Variants in DMD observed in about 807,000 individuals in gnomAD.
DMD encodes the protein mutant dystrophin.
A neutral mutation model predicts 330.1 loss-of-function variants in DMD; 63 were observed. That is an observed-to-expected ratio of 0.19 (90% CI 0.16 to 0.24). DMD has a LOEUF of 0.24. Among genes scored for constraint, DMD ranks in the 10% least tolerant of loss-of-function variants. The pLI is 1.00. For missense variants in DMD, 3,344 were observed against 2,684.1 expected, an observed-to-expected ratio of 1.25 and a Z score of -5.43; for synonymous variants, 1,223 against 959.8, an observed-to-expected ratio of 1.27 and a Z score of -5.07.
At chrX:31,730,754 T>C (rs1472421616) in intron 51 of DMD, among the ~76,000 whole-genome samples, 1 of 111,933 alleles carries the variant, frequency 8.9e-6, no homozygotes, top group African/African-American at 3.2e-5. Context: ...ATGTTTTATC[T>C]ATATTTTCTC....
chrX:32,898,883 T>G (rs762568580), intron 2 of DMD, among the ~76,000 whole-genome samples: 14 of 111,890 alleles, frequency 1.3e-4, no homozygotes, highest in Non-Finnish European at 2.3e-4. Context: ...CACAGAATTT[T>G]TAATTGGAAA....
In DMD at chrX:31,206,270, T is replaced by C. The variant is rs7059862; in HGVS notation, c.9649+312A>G. On this transcript the variant is annotated intron_variant, in intron 66 of 78. Transcript: ENST00000357033. ...GAGATTAAATCTTCACACTTATTTT[T>C]CCGACTTACAGAAAGAGGTTAGAAA... 4.5e-3 allele frequency among the ~76,000 whole-genome samples: 509 copies of C among 112,606 alleles called. 2 individuals carry two copies. Among genetic ancestry groups the C allele is most frequent in the African/African-American group, 0.016 (484 of 31,045 alleles).
At chrX:32,485,971 G>A (rs373986522) in intron 20 of DMD, among the ~76,000 whole-genome samples, 1 of 109,417 alleles carries the variant, frequency 9.1e-6, no homozygotes, top group Non-Finnish European at 1.9e-5. Context: ...TCAAACTGCT[G>A]ACCTCATGAT....
chrX:31,272,402 A>T (rs772562189), intron 62 of DMD, among the ~76,000 whole-genome samples: 12 of 112,086 alleles, frequency 1.1e-4, no homozygotes, highest in Non-Finnish European at 2.3e-4. Context: ...AATGTGGTTC[A>T]AGTATATCTG....
At chrX:31,860,118 T>C (rs2093676200) in intron 48 of DMD, among the ~76,000 whole-genome samples, 1 of 110,643 alleles carries the variant, frequency 9.0e-6, no homozygotes, top group African/African-American at 3.3e-5. Flanking sequence ...AAAAAACTGA[T>C]AGCATGGCTT....
chrX:31,578,804 C>T (rs1179989917), intron 55 of DMD, among the ~76,000 whole-genome samples: 1 of 112,071 alleles, frequency 8.9e-6, no homozygotes, highest in Non-Finnish European at 1.9e-5. Context: ...AAGTCAATTG[C>T]TATTTATTTA....
intron 52 of DMD, among the ~76,000 whole-genome samples, chrX:31,699,969 T>C (rs907188505): frequency 9.0e-6 from 1 of 111,063 alleles, no homozygotes; most frequent in South Asian, 3.8e-4. Flanking sequence ...GAACGGATCA[T>C]GAGATCAGGA....
intron 12 of DMD, among the ~76,000 whole-genome samples, chrX:32,607,670 G>T (rs745901182): frequency 9.1e-6 from 1 of 110,398 alleles, no homozygotes; most frequent in African/African-American, 3.3e-5. Context: ...CATGCATTTT[G>T]TTATAAGATA....
intron 42 of DMD, among the ~76,000 whole-genome samples, chrX:32,299,544 T>C (rs1302219344): frequency 9.1e-6 from 1 of 110,124 alleles, no homozygotes; most frequent in Non-Finnish European, 1.9e-5. Context: ...TTACTGACTT[T>C]GTATCTTTAA....
chrX:33,063,575 C>T (rs187837533), intron 1 of DMD, among the ~76,000 whole-genome samples: 20 of 111,556 alleles, frequency 1.8e-4, no homozygotes, highest in Non-Finnish European at 2.8e-4. Context: ...TTTTGCTCCC[C>T]GGCTGATGTA....
At chrX:31,948,301 G>A (rs961068722) in intron 45 of DMD, among the ~76,000 whole-genome samples, 5 of 111,935 alleles carry the variant, frequency 4.5e-5, no homozygotes, top group African/African-American at 1.6e-4. Context: ...TGATATCTTG[G>A]CTACTGTGAA....
chrX:32,347,407 C>T (rs949689185), intron 38 of DMD, among the ~76,000 whole-genome samples: 1 of 111,042 alleles, frequency 9.0e-6, no homozygotes, highest in African/African-American at 3.3e-5. Flanking sequence ...TTGGTGCCCT[C>T]TAGTTTCTTC....
chrX:33,292,116 T>C (rs1409522269), intron 1 of DMD, among the ~76,000 whole-genome samples: 1 of 111,165 alleles, frequency 9.0e-6, no homozygotes, highest in Non-Finnish European at 1.9e-5. Flanking sequence ...GTAACAATCT[T>C]TGGGGTTTTG....
chrX:31,968,596 A>G (rs112266650), intron 44 of DMD, 82 bp from the exon 45 acceptor site: 1 of 1,013,546 alleles, frequency 9.9e-7, no homozygotes, highest in African/African-American at 1.9e-5. Flanking sequence ...GTGCTACCAC[A>G]TGCAGTTGTA....
In DMD at chrX:32,903,590, G is replaced by T. The variant is rs184312029; in HGVS notation, c.94-53770C>A. ...GATTCTGATTTAATTTATCTTGGGT[G>T]GAGCCTGGTGATTTTCACATGTAGC... On this transcript the variant is annotated intron_variant, in intron 2 of 78. Coordinates refer to ENST00000357033, the MANE Select transcript of DMD (RefSeq NM_004006.3). 2.6e-3 allele frequency among the ~76,000 whole-genome samples: 289 copies of T among 111,506 alleles called. 2 individuals carry two copies. The East Asian group carries it at 0.036, about 14-fold the overall frequency.
At chrX:32,545,645 A>T (rs1409442200) in intron 16 of DMD, among the ~76,000 whole-genome samples, 1 of 111,512 alleles carries the variant, frequency 9.0e-6, no homozygotes, top group Non-Finnish European at 1.9e-5. Flanking sequence ...TCATTCTGAT[A>T]GTTAATTCTA....
intron 43 of DMD, among the ~76,000 whole-genome samples, chrX:32,224,393 G>A (rs1335541229): frequency 9.1e-6 from 1 of 110,322 alleles, no homozygotes; most frequent in African/African-American, 3.3e-5. Flanking sequence ...TATATAGTTT[G>A]AAACAGAATA....
chrX:32,239,068 T>C (rs1334305571), intron 43 of DMD, among the ~76,000 whole-genome samples: 1 of 111,960 alleles, frequency 8.9e-6, no homozygotes, highest in Admixed American at 9.5e-5. Flanking sequence ...GAGTAATTCT[T>C]GGTTGTGGAT....
chrX:32,772,914 T>C (rs749839992), intron 7 of DMD, among the ~76,000 whole-genome samples: 2 of 112,149 alleles, frequency 1.8e-5, no homozygotes, highest in South Asian at 3.7e-4. Flanking sequence ...GGCAAACTCA[T>C]GTGTTCCAAG....
Sources: gnomAD v4.1 joint callset for allele counts (sites outside exome capture counted in the v4.1 genomes callset) on GRCh38, gnomAD v4.1.1 for gene constraint, MANE v1.5 for transcripts, NCBI Gene and HGNC (gene_info 2026-07-23, HGNC 2026-07-21) for gene names.